Variants in PCBD2 observed in about 807,000 individuals in gnomAD.
PCBD2 encodes the protein pterin-4-alpha-carbinolamine dehydratase 2.
Under a neutral mutation model 16.4 loss-of-function variants are expected in PCBD2, and 12 were observed. That is an observed-to-expected ratio of 0.73 (90% CI 0.47 to 1.19). The LOEUF (loss-of-function observed/expected upper bound fraction) is 1.19, where lower values mean the gene tolerates loss of function less well. Ranked by LOEUF, PCBD2 falls within the 50% of genes most tolerant of loss-of-function variation. PCBD2 has a pLI of 0.00. For missense variants in PCBD2, 138 were observed against 156.8 expected (o/e 0.88, Z 0.64); for synonymous variants, 58 against 61.8 (o/e 0.94, Z 0.29).
chr5:134,931,159 C>G (rs1751090290), intron 2 of PCBD2, among the ~76,000 whole-genome samples: 1 of 152,164 alleles, frequency 6.6e-6, no homozygotes, highest in Non-Finnish European at 1.5e-5. Flanking sequence ...ACCTCGTAAT[C>G]TGCCTGCCTT....
At chr5:134,926,160 G>T in intron 2 of PCBD2, 1 of 321,258 alleles carries the variant, frequency 3.1e-6, no homozygotes, top group South Asian at 1.6e-4. Context: ...AGAATTCTAT[G>T]ATGGATCACG....
At chr5:134,919,946 G>T (rs892522043) in intron 2 of PCBD2, among the ~76,000 whole-genome samples, 1 of 152,108 alleles carries the variant, frequency 6.6e-6, no homozygotes, top group Admixed American at 6.5e-5. Flanking sequence ...TACAAATATT[G>T]GGTGCCTGAT....
intron 2 of PCBD2, chr5:134,926,791 A>G (rs956459260): frequency 5.0e-6 from 2 of 397,846 alleles, no homozygotes; most frequent in Admixed American, 4.4e-5. Context: ...AGCGAGCCTC[A>G]TTGTGTTGTG....
chr5:134,948,322 G>C (rs1343348966), intron 2 of PCBD2, among the ~76,000 whole-genome samples: 1 of 152,168 alleles, frequency 6.6e-6, no homozygotes, highest in Non-Finnish European at 1.5e-5. Context: ...CATAGCTAGT[G>C]ATCACCTTGG....
chr5:134,957,258 CAA>C (rs1029357254), intron 2 of PCBD2, among the ~76,000 whole-genome samples: 36 of 151,684 alleles, frequency 2.4e-4, no homozygotes, highest in African/African-American at 7.0e-4. Context: ...GACTCTGTCT[CAA>C]AAAGAAAAAA....
At chr5:134,910,309 A>G (rs370936107) in intron 1 of PCBD2, 26 bp from the exon 2 acceptor site, 73 of 1,603,700 alleles carry the variant, frequency 4.6e-5, no homozygotes, top group Non-Finnish European at 5.1e-5. Flanking sequence ...GTACATTTTC[A>G]GATATGAAAT....
chr5:134,928,712 G>A (rs1277899453), intron 2 of PCBD2, among the ~76,000 whole-genome samples: 1 of 152,182 alleles, frequency 6.6e-6, no homozygotes, highest in Non-Finnish European at 1.5e-5. Context: ...GCGGGCGCCT[G>A]TAGTCCCAGC....
At chr5:134,918,097 G>A (rs1195056640) in intron 2 of PCBD2, among the ~76,000 whole-genome samples, 1 of 152,200 alleles carries the variant, frequency 6.6e-6, no homozygotes, top group Non-Finnish European at 1.5e-5. Context: ...GCACATCAAA[G>A]TTATGAGTGA....
At chr5:134,924,940 A>G in intron 2 of PCBD2, 1 of 391,342 alleles carries the variant, frequency 2.6e-6, no homozygotes, top group South Asian at 1.4e-4. Context: ...TTTGTTGGTT[A>G]GGTAGTTGAG....
chr5:134,906,591 C>T (rs747399173), intron 1 of PCBD2, among the ~76,000 whole-genome samples: 8 of 152,148 alleles, frequency 5.3e-5, no homozygotes, highest in African/African-American at 1.9e-4. Flanking sequence ...TGTCTTCAGG[C>T]GTACTCTGCC....
chr5:134,914,196 G>A (rs933714232), intron 2 of PCBD2, among the ~76,000 whole-genome samples: 3 of 152,094 alleles, frequency 2.0e-5, no homozygotes, highest in Admixed American at 1.3e-4. Context: ...CCAATAGGCC[G>A]TTACATTCAT....
intron 2 of PCBD2, among the ~76,000 whole-genome samples, chr5:134,916,094 G>T (rs986387516): frequency 6.6e-6 from 1 of 152,180 alleles, no homozygotes; most frequent in South Asian, 2.1e-4. Context: ...TTTGAGGCTA[G>T]CCTGGGCAAC....
At chr5:134,944,321 A>G (rs914739735) in intron 2 of PCBD2, among the ~76,000 whole-genome samples, 4 of 152,178 alleles carry the variant, frequency 2.6e-5, no homozygotes, top group African/African-American at 9.7e-5. Flanking sequence ...AGAAATGAAC[A>G]TGGTCAATGC....
At chr5:134,908,377 AT>A (rs928519285) in intron 1 of PCBD2, among the ~76,000 whole-genome samples, 5 of 149,844 alleles carry the variant, frequency 3.3e-5, no homozygotes, top group African/African-American at 1.2e-4. Context: ...ATTAAAAAGT[AT>A]TCTCTGCTGG....
At chr5:134,905,262 C>CG in intron 1 of PCBD2, 39 bp downstream of exon 1, 2 of 1,161,426 alleles carry the variant, frequency 1.7e-6, no homozygotes, top group Non-Finnish European at 2.1e-6. Context: ...GGTCCGGGGT[C>CG]GGGGGGCGGT....
intron 2 of PCBD2, among the ~76,000 whole-genome samples, chr5:134,920,006 G>C (rs1018952596): frequency 1.3e-5 from 2 of 152,182 alleles, no homozygotes. Context: ...CCTGTGGCTG[G>C]GTAGCGGCCA....
intron 2 of PCBD2, among the ~76,000 whole-genome samples, chr5:134,950,419 T>G (rs989343463): frequency 1.3e-5 from 2 of 152,228 alleles, no homozygotes; most frequent in Non-Finnish European, 2.9e-5. Context: ...TCTTAGAACT[T>G]TAATAAATCA....
chr5:134,947,069 C>A (rs1334786859), intron 2 of PCBD2, among the ~76,000 whole-genome samples: 1 of 151,736 alleles, frequency 6.6e-6, no homozygotes, highest in East Asian at 1.9e-4. Context: ...AGTAGACTGT[C>A]ATTTTGCATG....
At chr5:134,905,341 G>A (rs1353673522) in intron 1 of PCBD2, 118 bp downstream of exon 1, 12 of 919,702 alleles carry the variant, frequency 1.3e-5, no homozygotes, top group Non-Finnish European at 1.5e-5. Flanking sequence ...CCGAGCCTTG[G>A]AGCTCGGGCG....
Sources: allele counts gnomAD v4.1 joint callset (sites outside exome capture counted in the v4.1 genomes callset), GRCh38; gene constraint gnomAD v4.1.1; transcripts MANE v1.5; gene names NCBI Gene and HGNC (gene_info 2026-07-23, HGNC 2026-07-21).